The following YEATS2 variants were observed in gnomAD, a reference collection of about 807,000 sequenced individuals.
YEATS2 encodes the protein YEATS domain-containing protein 2.
YEATS2 carries 77 observed loss-of-function variants against 163.2 expected under a neutral mutation model. That is an observed-to-expected ratio of 0.47 (90% CI 0.39 to 0.57). YEATS2 has a LOEUF of 0.57. YEATS2 is among the 20% of genes least tolerant of loss of function. The pLI, the probability that YEATS2 is intolerant of heterozygous loss-of-function variation, is 0.00. For synonymous variants in YEATS2, 631 were observed against 645.1 expected (o/e 0.98, Z 0.33); for missense variants, 1,549 against 1,729.8 (o/e 0.90, Z 1.85).
intron 15 of YEATS2, among the ~76,000 whole-genome samples, chr3:183,766,567 T>A (rs1187034345): frequency 1.3e-5 from 2 of 152,172 alleles, no homozygotes. Flanking sequence ...AAACAATGGG[T>A]GTCTGCTTTC....
chr3:183,715,268 A>G lies in YEATS2; in HGVS notation c.100+6A>G, dbSNP rs777419092. ...TAAAGCAATTGAGAATTCAGGTAGA[A>G]ATCCTGCCTTAGGAAATTATTTCTT... is the stretch of plus-strand genomic sequence containing the variant. On this transcript the variant is annotated splice_donor_region_variant and intron_variant, in intron 2 of 30. Coordinates refer to ENST00000305135, the MANE Select transcript of YEATS2 (RefSeq NM_018023.5). 1 of 1,596,924 alleles carries G rather than the reference A, an allele frequency of 6.3e-7. No individual in the cohort carries two copies. The highest frequency in any genetic ancestry group is 8.5e-7 in the Non-Finnish European group (1 of 1,171,156).
At chr3:183,704,691 G>A (rs1010193651) in intron 1 of YEATS2, among the ~76,000 whole-genome samples, 3 of 151,630 alleles carry the variant, frequency 2.0e-5, no homozygotes, top group Admixed American at 6.6e-5. Context: ...GTGCAGTGGC[G>A]TGATTTCGGC....
chr3:183,730,052 GTTTTTTTTTTTTTTTTTTTTTTT>G (rs869091775), intron 7 of YEATS2, among the ~76,000 whole-genome samples: 4 of 41,718 alleles, frequency 9.6e-5, no homozygotes, highest in African/African-American at 2.5e-4. Flanking sequence ...TTTTTTGTTT[GTTTTTTTTTTTTTTTTTTTTTTT>G]TTTTTTTTTT....
chr3:183,758,933 C>T lies in YEATS2; in HGVS notation c.1624C>T (p.His542Tyr), dbSNP rs1465325894. 2 of 1,592,310 alleles carry T rather than the reference C, an allele frequency of 1.3e-6. No individual in the cohort carries two copies. Among genetic ancestry groups the T allele is most frequent in the East Asian group, 4.5e-5 (2 of 44,184 alleles). ...QGTGSPVPKIHGSSFVTSTVK... is the reference protein window; with the variant it reads ...QGTGSPVPKIYGSSFVTSTVK... ...AACAGGTTCCCCTGTTCCTAAAATT[C>T]ATGGAAGTAGTTTTGTAACATCTAC... The change falls in exon 13 of 31, where the codon CAT becomes TAT. Residue 542 changes from histidine to tyrosine, a missense_variant. Physicochemically the swap from His to Tyr is moderately conservative, Grantham distance 83. Transcript: ENST00000305135.
At chr3:183,724,687 A>G (rs1458567069) in intron 6 of YEATS2, among the ~76,000 whole-genome samples, 156 bp downstream of exon 6, 1 of 152,212 alleles carries the variant, frequency 6.6e-6, no homozygotes, top group Non-Finnish European at 1.5e-5. Flanking sequence ...AGACTTTATT[A>G]GGGTAATTTT....
At position 183,775,946 on chromosome 3, in the gene YEATS2, G is replaced by T; in HGVS notation, c.2400G>T (p.Gly800=). 3 of 1,601,188 alleles carry T rather than the reference G, an allele frequency of 1.9e-6. No homozygotes were observed. The highest frequency in any genetic ancestry group is 2.6e-6 in the Non-Finnish European group (3 of 1,176,234). Residue 800 remains glycine (G), a synonymous_variant, in exon 18 of 31, where the codon GGG becomes GGT. Coordinates refer to ENST00000305135, the MANE Select transcript of YEATS2 (RefSeq NM_018023.5). ...AGTCTGGCTCAGCTGCCAGTGGTGG[G>T]AGTGGTGCCGGAGGAGGAGGAGGAG... ...NLQSGSAASG[G]SGAGGGGGGG...
chr3:183,790,914 A>T lies in YEATS2; in HGVS notation c.3031A>T (p.Thr1011Ser). 1 of 1,614,064 alleles carries T rather than the reference A, an allele frequency of 6.2e-7. No homozygotes were observed. The highest frequency in any genetic ancestry group is 1.3e-5 in the African/African-American group (1 of 74,994). The change falls in exon 21 of 31, where the codon ACC becomes TCC. Residue 1011 changes from threonine (T) to serine (S), a missense_variant. Coordinates refer to ENST00000305135, the MANE Select transcript of YEATS2 (RefSeq NM_018023.5). The stretch of plus-strand genomic sequence containing the variant: ...GGGAACCTGCAAGGCTGCCACCCCC[A>T]CCGTCGTCAGCGCCACGTCCCTCGT... ...TVGTCKAATP[T>S]VVSATSLVPT...
At position 183,762,168 on chromosome 3, in the gene YEATS2, C is replaced by G; in HGVS notation, c.1836C>G (p.Leu612=). ...CAGGAGCTGCCAGCCAGTCACCACT[C>G]CCGCAGTATGTGACTGTGAAAGGGG... is the stretch of plus-strand genomic sequence containing the variant. ...PATGAASQSP[L]PQYVTVKGGH... is the part of the protein sequence containing the mutation. Residue 612 remains leucine (L), a synonymous_variant, in exon 15 of 31, where the codon CTC becomes CTG. Transcript: ENST00000305135. The G allele has an allele frequency of 6.2e-7, 1 of 1,614,162 alleles. No individual in the cohort carries two copies. Among genetic ancestry groups the G allele is most frequent in the Non-Finnish European group, 8.5e-7 (1 of 1,180,038 alleles).
intron 19 of YEATS2, among the ~76,000 whole-genome samples, chr3:183,779,646 G>A (rs191306888): frequency 1.5e-4 from 23 of 152,230 alleles, no homozygotes; most frequent in Non-Finnish European, 2.6e-4. Flanking sequence ...AAAAGTCCCT[G>A]ACCAACGGAT....
intron 27 of YEATS2, among the ~76,000 whole-genome samples, chr3:183,804,798 T>C (rs563714005): frequency 2.6e-5 from 4 of 151,360 alleles, no homozygotes; most frequent in African/African-American, 9.7e-5. Flanking sequence ...CCATCTTGGC[T>C]AACACACTGA....
Position 183,786,316 on chromosome 3 carries a change from G to A in YEATS2, c.2913+15G>A. Reference sequence around the variant, plus strand: ...CTGCACAACAGGTGAGAAATAGCATGTCAGTAGAGAATCCTAATGAGACAT... The same window carrying A: ...CTGCACAACAGGTGAGAAATAGCATATCAGTAGAGAATCCTAATGAGACAT... On this transcript the variant is annotated intron_variant, in intron 20 of 30. Coordinates refer to ENST00000305135, the MANE Select transcript of YEATS2 (RefSeq NM_018023.5). 6.3e-7 allele frequency: 1 copy of A among 1,596,044 alleles called. No homozygotes were observed. The highest frequency in any genetic ancestry group is 1.1e-5 in the South Asian group (1 of 90,068).
At chr3:183,795,149 G>A (rs1234169139) in intron 21 of YEATS2, among the ~76,000 whole-genome samples, 3 of 145,550 alleles carry the variant, frequency 2.1e-5, no homozygotes, top group Non-Finnish European at 4.5e-5. Context: ...TCCAGCCTGG[G>A]TGAAAGAGCA....
At chr3:183,778,239 C>T (rs1723210057) in intron 19 of YEATS2, among the ~76,000 whole-genome samples, 1 of 151,820 alleles carries the variant, frequency 6.6e-6, no homozygotes, top group Non-Finnish European at 1.5e-5. Flanking sequence ...GTGTTATTCT[C>T]ATATGCAAAC....
chr3:183,785,589 G>A (rs371167418), intron 19 of YEATS2, among the ~76,000 whole-genome samples: 2 of 151,914 alleles, frequency 1.3e-5, no homozygotes, highest in Middle Eastern at 3.4e-3. Flanking sequence ...CCAGGAGTTC[G>A]AGGCTGCAGT....
intron 6 of YEATS2, among the ~76,000 whole-genome samples, chr3:183,727,016 G>C (rs1478932710): frequency 6.6e-6 from 1 of 152,076 alleles, no homozygotes; most frequent in Admixed American, 6.6e-5. Flanking sequence ...GATCAGGCTG[G>C]TCTTGAACTC....
Position 183,752,106 on chromosome 3 carries a change from G to C in YEATS2, c.1003G>C (p.Gly335Arg). ...VDVELHRHSL[G>R]EDCIYPQSSE... The stretch of plus-strand genomic sequence containing the variant: ...TGTTGAACTCCATCGCCATTCTCTC[G>C]GAGAAGACTGTATCTATCCTCAGTC... Residue 335 changes from glycine (G) to arginine (R), a missense_variant, in exon 10 of 31, where the codon GGA becomes CGA. Physicochemically the swap from Gly to Arg is moderately radical, Grantham distance 125. Coordinates refer to ENST00000305135, the MANE Select transcript of YEATS2 (RefSeq NM_018023.5). 2 of 1,613,996 alleles carry C rather than the reference G, an allele frequency of 1.2e-6. No homozygotes were observed. The highest frequency in any genetic ancestry group is 1.7e-6 in the Non-Finnish European group (2 of 1,179,996).
At chr3:183,793,425 T>C (rs771494219) in intron 21 of YEATS2, 1 of 1,013,422 alleles carries the variant, frequency 9.9e-7, no homozygotes. Flanking sequence ...ACTGTTTTAT[T>C]TGAGGCCCTG....
At chr3:183,810,427 A>AT (rs1449382715) in intron 30 of YEATS2, 48 bp from the exon 31 acceptor site, 1 of 1,503,182 alleles carries the variant, frequency 6.7e-7, no homozygotes, top group Non-Finnish European at 9.2e-7. Context: ...ATGATGAGAT[A>AT]TACGTGAGAG....
chr3:183,794,604 C>T (rs762485432), intron 21 of YEATS2, among the ~76,000 whole-genome samples: 3 of 152,130 alleles, frequency 2.0e-5, no homozygotes, highest in Non-Finnish European at 2.9e-5. Context: ...TGAAAATATT[C>T]TAAGTGTTAA....
Sources: gnomAD v4.1 joint callset for allele counts (sites outside exome capture counted in the v4.1 genomes callset) on GRCh38, gnomAD v4.1.1 for gene constraint, MANE v1.5 for transcripts, NCBI Gene and HGNC (gene_info 2026-07-23, HGNC 2026-07-21) for gene names.